Variants in HDX observed in about 807,000 individuals in gnomAD.
HDX encodes chromosome X open reading frame 43.
HDX carries 19 observed loss-of-function variants against 45.2 expected under a neutral mutation model. The observed-to-expected ratio is 0.42, with a 90% CI of 0.29 to 0.62. The LOEUF (loss-of-function observed/expected upper bound fraction) is 0.62, where lower values mean the gene tolerates loss of function less well. HDX is among the 20% of genes least tolerant of loss of function. The pLI, the probability that HDX is intolerant of heterozygous loss-of-function variation, is 0.20. For missense variants in HDX, 532 were observed against 493.9 expected (o/e 1.08, Z -0.73); for synonymous variants, 188 against 172.8 (o/e 1.09, Z -0.69).
At chrX:84,326,332 C>T in intron 9 of HDX, 32 bp from the exon 10 acceptor site, 1 of 1,105,015 alleles carries the variant, frequency 9.0e-7, no homozygotes, top group Non-Finnish European at 1.2e-6. Context: ...GATACAATTA[C>T]CTTATGTAAA....
intron 5 of HDX, among the ~76,000 whole-genome samples, chrX:84,418,645 A>T (rs2039174018): frequency 9.0e-6 from 1 of 111,622 alleles, no homozygotes; most frequent in Non-Finnish European, 1.9e-5. Flanking sequence ...CAAAAACAAA[A>T]AAAATAGTAA....
chrX:84,364,903 G>A (rs2037711885), intron 5 of HDX, among the ~76,000 whole-genome samples: 1 of 110,568 alleles, frequency 9.0e-6, no homozygotes, highest in Middle Eastern at 4.3e-3. Context: ...AATGACTTCC[G>A]GGTTCATCCA....
intron 5 of HDX, among the ~76,000 whole-genome samples, chrX:84,431,793 TTACTC>T (rs1269647120): frequency 1.8e-5 from 2 of 111,543 alleles, no homozygotes; most frequent in Non-Finnish European, 3.8e-5. Flanking sequence ...GGTTGTCTGT[TTACTC>T]TGTTGAAAGT....
chrX:84,468,946 G>A lies in HDX; in HGVS notation c.777C>T (p.Asn259=). 8.3e-7 allele frequency: 1 copy of A among 1,211,774 alleles called. No individual in the cohort carries two copies. Among genetic ancestry groups the A allele is most frequent in the East Asian group, 3.0e-5 (1 of 33,828 alleles). ...ATGAAAACACTTCACGGATTTCCAA[G>A]TTTTGTGTTCTACAGTAAGGGTCTC... is the stretch of plus-strand genomic sequence containing the variant. ...TIRDPYCRTQ[N]LEIREVFSLA... Residue 259 remains asparagine (N), a synonymous_variant, in exon 4 of 11, where the codon AAC becomes AAT. Transcript: ENST00000373177.
intron 2 of HDX, among the ~76,000 whole-genome samples, chrX:84,478,968 G>T (rs1471033778): frequency 8.9e-6 from 1 of 112,125 alleles, no homozygotes; most frequent in Non-Finnish European, 1.9e-5. Context: ...AAAAGCCATT[G>T]ATGTTTTTGT....
chrX:84,438,908 G>A (rs922408480), intron 5 of HDX, among the ~76,000 whole-genome samples: 14 of 111,366 alleles, frequency 1.3e-4, no homozygotes, highest in Non-Finnish European at 1.9e-5. Flanking sequence ...CCCAGTAGAG[G>A]CATTGCTGGG....
intron 2 of HDX, among the ~76,000 whole-genome samples, chrX:84,483,878 C>A (rs1460495250): frequency 1.8e-5 from 2 of 111,516 alleles, no homozygotes; most frequent in Admixed American, 1.9e-4. Context: ...TTTCACAGAT[C>A]TTTAGGGAAG....
At chrX:84,352,925 T>A (rs1296385189) in intron 6 of HDX, among the ~76,000 whole-genome samples, 6 of 110,653 alleles carry the variant, frequency 5.4e-5, no homozygotes, top group African/African-American at 2.0e-4. Flanking sequence ...CCAGTCTCCC[T>A]AGGATGATTT....
chrX:84,402,879 T>C (rs1282421161), intron 5 of HDX, among the ~76,000 whole-genome samples: 2 of 111,580 alleles, frequency 1.8e-5, no homozygotes, highest in African/African-American at 6.5e-5. Context: ...AGTAGGTTGA[T>C]AGCCTTTTAA....
chrX:84,453,623 TA>T (rs1254226916), intron 4 of HDX, among the ~76,000 whole-genome samples: 2 of 111,935 alleles, frequency 1.8e-5, no homozygotes, highest in African/African-American at 6.5e-5. Flanking sequence ...CAGTAGTAAG[TA>T]AACTTGAAAG....
intron 7 of HDX, among the ~76,000 whole-genome samples, chrX:84,342,544 A>T (rs1007664050): frequency 5.0e-4 from 55 of 109,642 alleles, no homozygotes; most frequent in African/African-American, 1.7e-3. Context: ...TGTGTGAGAG[A>T]GAGAGAGAGT....
chrX:84,466,040 C>T (rs2040346565), intron 4 of HDX, among the ~76,000 whole-genome samples: 1 of 111,939 alleles, frequency 8.9e-6, no homozygotes, highest in African/African-American at 3.3e-5. Flanking sequence ...GGTTGGCTTA[C>T]ACAGGTCTGA....
intron 5 of HDX, chrX:84,403,847 C>T (rs1482697711): frequency 9.0e-6 from 1 of 111,510 alleles, no homozygotes; most frequent in Non-Finnish European, 1.9e-5. Flanking sequence ...TATGTGATAT[C>T]CACTGAAAAG....
At chrX:84,430,659 C>T (rs753222916) in intron 5 of HDX, among the ~76,000 whole-genome samples, 1 of 99,715 alleles carries the variant, frequency 1.0e-5, no homozygotes, top group Non-Finnish European at 2.1e-5. Context: ...GAGATCTTTT[C>T]TCTGCATCCT....
intron 4 of HDX, among the ~76,000 whole-genome samples, chrX:84,457,387 C>A (rs763614566): frequency 9.0e-6 from 1 of 111,183 alleles, no homozygotes; most frequent in African/African-American, 3.3e-5. Context: ...TAGTTCACCT[C>A]GGAAAAATAA....
intron 3 of HDX, among the ~76,000 whole-genome samples, chrX:84,471,339 A>G (rs2040453504): frequency 9.2e-6 from 1 of 108,984 alleles, no homozygotes; most frequent in Non-Finnish European, 1.9e-5. Flanking sequence ...AAAAAATAAA[A>G]AAACTAAAGT....
chrX:84,379,304 A>T (rs980565151), intron 5 of HDX, among the ~76,000 whole-genome samples: 3 of 110,438 alleles, frequency 2.7e-5, no homozygotes, highest in African/African-American at 9.8e-5. Context: ...TCAACACCCC[A>T]CTTTCATCAT....
intron 5 of HDX, among the ~76,000 whole-genome samples, chrX:84,362,500 C>G (rs1466120720): frequency 9.1e-6 from 1 of 110,000 alleles, no homozygotes. Flanking sequence ...AATCTAAACA[C>G]AGGCTTTAAT....
intron 5 of HDX, among the ~76,000 whole-genome samples, chrX:84,437,969 CA>C (rs1343661679): frequency 8.1e-5 from 9 of 111,215 alleles, no homozygotes; most frequent in African/African-American, 2.9e-4. Context: ...TTATTGTCAG[CA>C]AAACTTCCAG....
Sources: gnomAD v4.1 joint callset for allele counts (sites outside exome capture counted in the v4.1 genomes callset) on GRCh38, gnomAD v4.1.1 for gene constraint, MANE v1.5 for transcripts, NCBI Gene and HGNC (gene_info 2026-07-23, HGNC 2026-07-21) for gene names.